EPM2A: variants seen among roughly 807,000 people sequenced by gnomAD.
The protein encoded by EPM2A is laforin.
Under a neutral mutation model 26.5 loss-of-function variants are expected in EPM2A, and 21 were observed. The observed-to-expected ratio is 0.79, with a 90% CI of 0.56 to 1.14. The LOEUF is 1.14. EPM2A is among the 50% of genes most tolerant of loss of function. EPM2A has a pLI of 0.00. For missense variants in EPM2A, 458 were observed against 440.8 expected, an observed-to-expected ratio of 1.04 and a Z score of -0.35; for synonymous variants, 217 against 177.6, an observed-to-expected ratio of 1.22 and a Z score of -1.76.
chr6:145,532,093 T>G (rs1039708459), intron 2 of EPM2A, among the ~76,000 whole-genome samples: 1 of 152,214 alleles, frequency 6.6e-6, no homozygotes, highest in Non-Finnish European at 1.5e-5. Flanking sequence ...ATTATACTCA[T>G]GATTGTCTTA....
intron 2 of EPM2A, among the ~76,000 whole-genome samples, chr6:145,678,251 G>A (rs186172187): frequency 4.7e-5 from 7 of 149,470 alleles, no homozygotes; most frequent in Non-Finnish European, 6.0e-5. Flanking sequence ...ACTGGATCCC[G>A]TCCTTACACA....
chr6:145,385,778 C>T (rs1778252174), intron 4 of EPM2A, among the ~76,000 whole-genome samples: 1 of 152,068 alleles, frequency 6.6e-6, no homozygotes, highest in African/African-American at 2.4e-5. Context: ...TATTTAATTA[C>T]CCATTGCTTT....
intron 4 of EPM2A, among the ~76,000 whole-genome samples, chr6:145,466,052 C>T (rs1317888641): frequency 3.3e-5 from 5 of 152,114 alleles, no homozygotes; most frequent in South Asian, 4.1e-4. Context: ...AAAACCTAGG[C>T]ATTACCATTC....
intron 4 of EPM2A, among the ~76,000 whole-genome samples, chr6:145,402,998 ACTTCT>A (rs1778514038): frequency 1.3e-5 from 2 of 152,098 alleles, no homozygotes; most frequent in African/African-American, 4.8e-5. Flanking sequence ...GAATTCTCAA[ACTTCT>A]GTAACTTTCC....
At chr6:145,691,794 A>C (rs1041352855) in intron 1 of EPM2A, among the ~76,000 whole-genome samples, 4 of 152,084 alleles carry the variant, frequency 2.6e-5, no homozygotes, top group South Asian at 2.1e-4. Context: ...AAAAATGTTC[A>C]ATTATGAACC....
intron 4 of EPM2A, among the ~76,000 whole-genome samples, chr6:145,401,163 C>T (rs779562907): frequency 6.6e-6 from 1 of 151,262 alleles, no homozygotes; most frequent in South Asian, 2.1e-4. Context: ...CCTATGAAAA[C>T]GGGTAGGGGG....
intron 2 of EPM2A, among the ~76,000 whole-genome samples, chr6:145,542,212 T>G (rs916747910): frequency 6.6e-5 from 10 of 152,240 alleles, no homozygotes; most frequent in African/African-American, 2.4e-4. Context: ...CTTTTTTCTC[T>G]GCTTCCCAAA....
At chr6:145,624,219 CACAG>C (rs1354969997), downstream of EPM2A, among the ~76,000 whole-genome samples, 1 of 152,072 alleles carries the variant, frequency 6.6e-6, no homozygotes, top group Admixed American at 6.5e-5. Flanking sequence ...GATCTAGTCC[CACAG>C]ACAAATAAGT....
chr6:145,527,771 G>A (rs1352209477), intron 2 of EPM2A, among the ~76,000 whole-genome samples: 2 of 151,934 alleles, frequency 1.3e-5, no homozygotes, highest in Non-Finnish European at 2.9e-5. Context: ...GGATGTTTAG[G>A]CATGTCTCTC....
rs1775883458 is a variant in EPM2A, at chr6:145,627,338, C to T, written c.*78G>A. 1 of 1,606,050 alleles carries T rather than the reference C, an allele frequency of 6.2e-7. No individual in the cohort carries two copies. Among genetic ancestry groups the T allele is most frequent in the Non-Finnish European group, 8.5e-7 (1 of 1,179,858 alleles). ...CAGTCCTTTCAGTTCAGGTAGAATCCTTGTTTCTAGGTCATTTGACCAACA... is the reference window on the plus strand; with the variant it reads ...CAGTCCTTTCAGTTCAGGTAGAATCTTTGTTTCTAGGTCATTTGACCAACA... On this transcript the variant is annotated 3_prime_UTR_variant, in exon 4 of 4. Coordinates refer to ENST00000367519, the MANE Select transcript of EPM2A (RefSeq NM_005670.4).
intron 1 of EPM2A, chr6:145,734,877 GGC>G (rs1338325510): frequency 1.7e-5 from 3 of 172,702 alleles, no homozygotes; most frequent in African/African-American, 7.1e-5. Flanking sequence ...CCGTGACGCA[GGC>G]GCGGTTGGAA....
chr6:145,597,232 A>G (rs1260119279), intron 2 of EPM2A, among the ~76,000 whole-genome samples: 1 of 151,950 alleles, frequency 6.6e-6, no homozygotes, highest in East Asian at 1.9e-4. Context: ...TGGTTTATTC[A>G]CTTGTTTTGA....
At chr6:145,506,077 A>G (rs1007550617) in intron 2 of EPM2A, among the ~76,000 whole-genome samples, 4 of 152,224 alleles carry the variant, frequency 2.6e-5, no homozygotes, top group Admixed American at 2.6e-4. Context: ...ATTACTTACA[A>G]TTGGTAATCT....
In EPM2A at chr6:145,602,924, C is replaced by T. The variant is rs116275675; in HGVS notation, c.340+32321G>A. ...CCCGAGGTTTTGGAAGGAATCCACG[C>T]AAGTCAGCATAAGCCTCAGTAGCTT... On this transcript the variant is annotated intron_variant, in intron 2 of 3. Transcript: ENST00000450221. Among the ~76,000 whole-genome samples, 271 of 152,296 alleles carry T rather than the reference C, an allele frequency of 1.8e-3. 1 individual carries two copies. Among genetic ancestry groups the T allele is most frequent in the African/African-American group, 6.2e-3 (258 of 41,578 alleles).
At chr6:145,436,048 T>C (rs1487440557) in intron 4 of EPM2A, among the ~76,000 whole-genome samples, 1 of 152,132 alleles carries the variant, frequency 6.6e-6, no homozygotes, top group Non-Finnish European at 1.5e-5. Context: ...ACCACTGAAA[T>C]ATGGTATAGA....
At chr6:145,631,257 C>T (rs570609487) in intron 3 of EPM2A, 1 of 152,176 alleles carries the variant, frequency 6.6e-6, no homozygotes, top group Admixed American at 6.5e-5. Context: ...ATGTACCCAG[C>T]TCAACAAAGC....
At chr6:145,557,035 G>C (rs183769581) in intron 2 of EPM2A, among the ~76,000 whole-genome samples, 4 of 152,120 alleles carry the variant, frequency 2.6e-5, no homozygotes, top group East Asian at 3.9e-4. Context: ...TGGCAAAACA[G>C]AAAATAAAAG....
chr6:145,466,851 G>T (rs1277397227), intron 4 of EPM2A, among the ~76,000 whole-genome samples: 3 of 152,148 alleles, frequency 2.0e-5, no homozygotes, highest in African/African-American at 7.2e-5. Context: ...TAGGGACATG[G>T]ATGAAATTGG....
chr6:145,719,138 T>G (rs1336956410), intron 1 of EPM2A, among the ~76,000 whole-genome samples: 1 of 151,756 alleles, frequency 6.6e-6, no homozygotes, highest in Non-Finnish European at 1.5e-5. Context: ...ACCCAAAGGA[T>G]TATAAATCAT....
Sources: gnomAD v4.1 joint callset for allele counts (sites outside exome capture counted in the v4.1 genomes callset) on GRCh38, gnomAD v4.1.1 for gene constraint, MANE v1.5 for transcripts, NCBI Gene and HGNC (gene_info 2026-07-23, HGNC 2026-07-21) for gene names.